BAZ2B: variants seen among roughly 807,000 people sequenced by gnomAD.
BAZ2B encodes the protein bromodomain adjacent to zinc finger domain 2B.
A neutral mutation model predicts 246.0 loss-of-function variants in BAZ2B; 91 were observed. That is an observed-to-expected ratio of 0.37 (90% CI 0.31 to 0.44). The LOEUF (loss-of-function observed/expected upper bound fraction) is 0.44, where lower values mean the gene tolerates loss of function less well. BAZ2B is among the 20% of genes least tolerant of loss of function. The probability of loss-of-function intolerance (pLI) is 1.00; values close to 1 mark genes in which losing one functional copy is unlikely to be tolerated. For missense variants in BAZ2B, 2,332 were observed against 2,533.7 expected, an observed-to-expected ratio of 0.92 and a Z score of 1.71; for synonymous variants, 855 against 860.0, an observed-to-expected ratio of 0.99 and a Z score of 0.10.
intron 2 of BAZ2B, among the ~76,000 whole-genome samples, chr2:159,543,345 T>C (rs1376547450): frequency 6.6e-6 from 1 of 152,134 alleles, no homozygotes; most frequent in Non-Finnish European, 1.5e-5. Flanking sequence ...TTAGGCTAAA[T>C]GTTCTATCAC....
chr2:159,356,573 C>T (rs1280289422), intron 27 of BAZ2B, among the ~76,000 whole-genome samples: 1 of 152,162 alleles, frequency 6.6e-6, no homozygotes, highest in African/African-American at 2.4e-5. Context: ...AACGTTCCTG[C>T]CTGGTGGCTC....
intron 27 of BAZ2B, among the ~76,000 whole-genome samples, chr2:159,367,887 CA>C (rs887635040): frequency 1.5e-4 from 22 of 145,286 alleles, no homozygotes; most frequent in South Asian, 6.6e-4. Flanking sequence ...GAATCTGTCT[CA>C]AAAAAAAAAG....
chr2:159,348,572 A>G (rs897967398), intron 30 of BAZ2B, 106 bp downstream of exon 30: 13 of 1,305,488 alleles, frequency 1.0e-5, no homozygotes, highest in Non-Finnish European at 1.3e-5. Flanking sequence ...TAGATGTGGA[A>G]CCCATGAATA....
At chr2:159,415,645 C>T (rs192161053) in intron 13 of BAZ2B, among the ~76,000 whole-genome samples, 98 of 152,124 alleles carry the variant, frequency 6.4e-4, no homozygotes, top group African/African-American at 2.0e-3. Flanking sequence ...ATTTTTAAAA[C>T]GTGTTTTTCT....
chr2:159,453,557 T>C (rs2075353949), intron 4 of BAZ2B, 56 bp downstream of exon 4: 2 of 1,492,676 alleles, frequency 1.3e-6, no homozygotes, highest in Non-Finnish European at 1.8e-6. Context: ...AATTATTGCT[T>C]GAACATTCTC....
At chr2:159,438,255 T>C (rs1341115706) in intron 8 of BAZ2B, 48 bp downstream of exon 8, 23 of 1,502,274 alleles carry the variant, frequency 1.5e-5, no homozygotes, top group Non-Finnish European at 2.1e-5. Context: ...ATAGAAGCTC[T>C]ATCTTTCTCT....
At chr2:159,516,771 A>G (rs2083481768) in intron 2 of BAZ2B, 1 of 152,308 alleles carries the variant, frequency 6.6e-6, no homozygotes, top group African/African-American at 2.4e-5. Flanking sequence ...TCTTAATTTT[A>G]TTAATGTCAA....
chr2:159,623,452 A>T, the BAZ2B span, among the ~76,000 whole-genome samples: 1 of 152,188 alleles, frequency 6.6e-6, no homozygotes, highest in South Asian at 2.1e-4. Flanking sequence ...CCCCTTAAAT[A>T]AAAACATTTG....
chr2:159,414,846 ATATATATATACCTAT>A (rs1203774241), intron 13 of BAZ2B, among the ~76,000 whole-genome samples: 4 of 151,664 alleles, frequency 2.6e-5, no homozygotes, highest in African/African-American at 9.7e-5. Flanking sequence ...CATGTACCCC[ATATATATATACCTAT>A]TATGTACTCA....
At chr2:159,663,478 C>T in the BAZ2B span, among the ~76,000 whole-genome samples, 3 of 151,282 alleles carry the variant, frequency 2.0e-5, no homozygotes, top group Non-Finnish European at 4.4e-5. Flanking sequence ...GCTGGGATTA[C>T]AGGTGTAAGC....
intron 3 of BAZ2B, among the ~76,000 whole-genome samples, chr2:159,476,118 AAGT>A (rs2078512073): frequency 6.6e-6 from 1 of 152,108 alleles, no homozygotes. Flanking sequence ...AGGAATGTTT[AAGT>A]CTTTTGAAGC....
chr2:159,367,440 G>A (rs1156482023), intron 27 of BAZ2B, among the ~76,000 whole-genome samples: 1 of 152,064 alleles, frequency 6.6e-6, no homozygotes, highest in East Asian at 1.9e-4. Context: ...ATATTTTTCT[G>A]TGAAGGTAAT....
chr2:159,496,719 G>A (rs997545613), intron 2 of BAZ2B, among the ~76,000 whole-genome samples: 6 of 138,526 alleles, frequency 4.3e-5, no homozygotes, highest in African/African-American at 1.6e-4. Flanking sequence ...GGAGGTGGAT[G>A]TTGCGGTGAG....
chr2:159,350,040 C>G lies in BAZ2B; in HGVS notation c.4531G>C (p.Val1511Leu). Residue 1511 changes from valine (V) to leucine (L), a missense_variant, in exon 28 of 37, where the codon GTT (valine) becomes CTT (leucine). Around this residue, in one of 9 missense-constraint regions of BAZ2B, gnomAD observed 676 missense variants for 668.6 expected, o/e 1.01. Coordinates refer to ENST00000392783, the MANE Select transcript of BAZ2B (RefSeq NM_013450.4). ...QNSGKHSLGS[V>L]QSTATQSNVE... ...TTGCTTTGCGTTGCTGTTGACTGAA[C>G]GCTGCCCAGTGAATGTTTTCCACTG... is the stretch of plus-strand genomic sequence containing the variant. 6.2e-7 allele frequency: 1 copy of G among 1,614,134 alleles called. No homozygotes were observed.
chr2:159,593,008 A>G (rs1382530346), intron 1 of BAZ2B, among the ~76,000 whole-genome samples: 1 of 152,228 alleles, frequency 6.6e-6, no homozygotes, highest in Non-Finnish European at 1.5e-5. Context: ...ATGATGAAGC[A>G]AAGCCTTAAG....
intron 13 of BAZ2B, among the ~76,000 whole-genome samples, chr2:159,414,171 A>G (rs1267324481): frequency 6.6e-6 from 1 of 152,232 alleles, no homozygotes; most frequent in Non-Finnish European, 1.5e-5. Flanking sequence ...CCAGAAAGGT[A>G]AGTTTTGCAT....
At chr2:159,390,676 T>G (rs2063223068) in intron 20 of BAZ2B, among the ~76,000 whole-genome samples, 1 of 152,108 alleles carries the variant, frequency 6.6e-6, no homozygotes, top group African/African-American at 2.4e-5. Context: ...GAAAGTACAG[T>G]GTGTTTGAAA....
intron 1 of BAZ2B, among the ~76,000 whole-genome samples, chr2:159,574,994 GA>G (rs1684961415): frequency 2.6e-5 from 4 of 151,572 alleles, no homozygotes; most frequent in South Asian, 4.2e-4. Context: ...AGAAAAGAAA[GA>G]AAAAAGAAAA....
At chr2:159,543,738 G>A (rs2086944600) in intron 2 of BAZ2B, among the ~76,000 whole-genome samples, 1 of 152,178 alleles carries the variant, frequency 6.6e-6, no homozygotes. Flanking sequence ...GTTTTGCCAT[G>A]TTGGCCAGGC....
Sources: allele counts gnomAD v4.1 joint callset (sites outside exome capture counted in the v4.1 genomes callset), GRCh38; gene constraint gnomAD v4.1.1; regional missense constraint gnomAD v4.1.1; transcripts MANE v1.5; gene names NCBI Gene and HGNC (gene_info 2026-07-23, HGNC 2026-07-21).